SNX29: variants seen among roughly 807,000 people sequenced by gnomAD.
The protein encoded by SNX29 is sorting nexin-29.
SNX29 carries 78 observed loss-of-function variants against 102.1 expected under a neutral mutation model. That is an observed-to-expected ratio of 0.76 (90% confidence interval 0.64 to 0.92). SNX29 has a LOEUF of 0.92. SNX29 is among the 40% of genes least tolerant of loss of function. The probability of loss-of-function intolerance (pLI) is 0.00; values close to 1 mark genes in which losing one functional copy is unlikely to be tolerated. For synonymous variants in SNX29, 580 were observed against 414.5 expected, an observed-to-expected ratio of 1.40 and a Z score of -4.85; for missense variants, 1,280 against 1,061.7, an observed-to-expected ratio of 1.21 and a Z score of -2.86.
chr16:12,045,963 G>C (rs116768043), intron 5 of SNX29, among the ~76,000 whole-genome samples: 1 of 151,704 alleles, frequency 6.6e-6, no homozygotes. Context: ...TGATGAAGCC[G>C]TAGAGGCTCT....
At chr16:12,044,609 C>T (rs1225881085) in intron 5 of SNX29, among the ~76,000 whole-genome samples, 2 of 152,088 alleles carry the variant, frequency 1.3e-5, no homozygotes, top group African/African-American at 4.8e-5. Flanking sequence ...GAAGAAGTCT[C>T]GCTTTTTTGC....
chr16:12,433,852 T>G (rs1336153635), intron 18 of SNX29, among the ~76,000 whole-genome samples: 4 of 152,132 alleles, frequency 2.6e-5, no homozygotes, highest in African/African-American at 9.7e-5. Context: ...AGAAAACTAA[T>G]GATCAAAGGC....
At chr16:11,989,891 G>A (rs1009567339) in intron 1 of SNX29, among the ~76,000 whole-genome samples, 1 of 152,230 alleles carries the variant, frequency 6.6e-6, no homozygotes, top group African/African-American at 2.4e-5. Context: ...GCCATCGGGA[G>A]GCTGTTTTTT....
intron 18 of SNX29, among the ~76,000 whole-genome samples, chr16:12,421,141 G>A (rs960538327): frequency 6.6e-6 from 1 of 152,186 alleles, no homozygotes; most frequent in African/African-American, 2.4e-5. Flanking sequence ...ATAGAGCTGG[G>A]CTTTGCACTC....
At chr16:12,530,850 C>A (rs1363339437) in intron 20 of SNX29, among the ~76,000 whole-genome samples, 1 of 152,228 alleles carries the variant, frequency 6.6e-6, no homozygotes, top group African/African-American at 2.4e-5. Context: ...GCCACCGTGC[C>A]TGGCCACCTT....
chr16:12,271,098 A>G (rs1303550731), intron 14 of SNX29, among the ~76,000 whole-genome samples: 2 of 152,174 alleles, frequency 1.3e-5, no homozygotes, highest in Non-Finnish European at 2.9e-5. Context: ...ATGATTAAAG[A>G]CTCTACGTTG....
chr16:12,572,346 TGATG>T lies in SNX29; in HGVS notation c.*3720_*3723del. On this transcript the variant is annotated 3_prime_UTR_variant, in exon 21 of 21. Transcript: ENST00000566228. ...AGTGAAGCCCACCAGCCTGCCTGGTTGATGGACAGCAGGCTCTGCCTTCTGGAGG... is the reference window on the plus strand; with the variant it reads ...AGTGAAGCCCACCAGCCTGCCTGGTTGACAGCAGGCTCTGCCTTCTGGAGG... 5.6e-6 allele frequency: 6 copies of T among 1,062,976 alleles called. No individual in the cohort carries two copies. Among genetic ancestry groups the T allele is most frequent in the Non-Finnish European group, 6.8e-6 (6 of 877,726 alleles). The allele number at this position is 1,062,976 out of a possible 1,614,324, so 65.8% of individuals were successfully genotyped here. A position where few individuals can be genotyped will look rare whatever the true frequency, so the allele number is the denominator to read the frequency against.
At chr16:12,509,722 C>T (rs1444658069) in intron 19 of SNX29, among the ~76,000 whole-genome samples, 1 of 152,122 alleles carries the variant, frequency 6.6e-6, no homozygotes, top group East Asian at 1.9e-4. Flanking sequence ...AGTTTGAGAC[C>T]AACCTGAGCA....
At chr16:12,012,333 T>C (rs1033043260) in intron 3 of SNX29, among the ~76,000 whole-genome samples, 3 of 152,124 alleles carry the variant, frequency 2.0e-5, no homozygotes, top group Non-Finnish European at 4.4e-5. Flanking sequence ...GGGAGATCAG[T>C]TGGAAAGTCA....
At chr16:12,394,049 A>T (rs2083632250) in intron 16 of SNX29, among the ~76,000 whole-genome samples, 1 of 152,192 alleles carries the variant, frequency 6.6e-6, no homozygotes, top group Admixed American at 6.5e-5. Context: ...GTTCCCAGAG[A>T]TGGAAAAGGA....
At chr16:11,998,188 A>G (rs1342129350) in intron 1 of SNX29, among the ~76,000 whole-genome samples, 1 of 152,224 alleles carries the variant, frequency 6.6e-6, no homozygotes, top group Non-Finnish European at 1.5e-5. Context: ...TGGCAATTCA[A>G]CGCCTGCAGT....
At chr16:12,264,638 C>T (rs9630618) in intron 14 of SNX29, among the ~76,000 whole-genome samples, 2,600 of 152,046 alleles carry the variant, frequency 0.017, 90 homozygotes, top group African/African-American at 0.06. Flanking sequence ...AAAAATTAGC[C>T]GGACGTGATA....
At chr16:12,528,290 C>CT in intron 20 of SNX29, among the ~76,000 whole-genome samples, 1 of 152,152 alleles carries the variant, frequency 6.6e-6, no homozygotes, top group Non-Finnish European at 1.5e-5. Context: ...ACCTCTACCT[C>CT]CGGTTCAAGT....
At position 12,233,316 on chromosome 16, in the gene SNX29, C is replaced by T. The variant is rs572813050; in HGVS notation, c.1678+33633C>T. 1.1e-4 allele frequency among the ~76,000 whole-genome samples: 16 copies of T among 152,278 alleles called. 2 individuals are homozygous for T. Among genetic ancestry groups the T allele is most frequent in the Admixed American group, 1.0e-3 (16 of 15,308 alleles). On this transcript the variant is annotated intron_variant, in intron 14 of 20. Transcript: ENST00000566228. ...TATGAATGCAGCTGGAGGCTGTTAT[C>T]CTAAGCAAATTAGTGCCCCAACAGA...
intron 16 of SNX29, among the ~76,000 whole-genome samples, chr16:12,369,285 G>A (rs934150428): frequency 1.3e-5 from 2 of 151,942 alleles, no homozygotes; most frequent in Non-Finnish European, 2.9e-5. Context: ...ACAGGTGTGT[G>A]CCACCGTGCC....
intron 18 of SNX29, among the ~76,000 whole-genome samples, chr16:12,472,756 T>A (rs1274689097): frequency 6.6e-6 from 1 of 152,030 alleles, no homozygotes; most frequent in African/African-American, 2.4e-5. Flanking sequence ...GGTTTTTGCA[T>A]TTTTTTCTCC....
At chr16:12,536,954 C>T (rs148372233) in intron 20 of SNX29, among the ~76,000 whole-genome samples, 59 of 152,012 alleles carry the variant, frequency 3.9e-4, no homozygotes, top group Admixed American at 1.9e-3. Context: ...CCAGCCTAGG[C>T]GACAGAGTGA....
chr16:12,552,837 C>T (rs531668377), intron 20 of SNX29, among the ~76,000 whole-genome samples: 2 of 152,258 alleles, frequency 1.3e-5, no homozygotes, highest in South Asian at 4.2e-4. Context: ...CCTGACCTGC[C>T]AGAGAGGAGA....
At chr16:12,551,931 G>A (rs899700303) in intron 20 of SNX29, among the ~76,000 whole-genome samples, 3 of 152,298 alleles carry the variant, frequency 2.0e-5, no homozygotes, top group African/African-American at 7.2e-5. Flanking sequence ...CAGAGCCACT[G>A]TGAGGATCCA....
Sources: allele counts gnomAD v4.1 joint callset (sites outside exome capture counted in the v4.1 genomes callset), GRCh38; gene constraint gnomAD v4.1.1; transcripts MANE v1.5; gene names NCBI Gene and HGNC (gene_info 2026-07-23, HGNC 2026-07-21).